Variants in COMT observed in about 807,000 individuals in gnomAD.
COMT encodes catechol-O-methyltransferase.
In COMT, 13 loss-of-function variants were observed where a neutral mutation model predicts 18.9. The ratio of observed to expected loss-of-function variants is 0.69; its 90% CI spans 0.45 to 1.09. The LOEUF is 1.09. Among genes scored for constraint, COMT ranks in the 50% least tolerant of loss-of-function variants. The pLI, the probability that COMT is intolerant of heterozygous loss-of-function variation, is 0.00. For missense variants in COMT, 329 were observed against 361.8 expected (o/e 0.91, Z 0.73); for synonymous variants, 150 against 160.9 (o/e 0.93, Z 0.51).
chr22:19,966,870 G>T (rs569962842), intron 5 of COMT: 49 of 892,344 alleles, frequency 5.5e-5, no homozygotes, highest in Non-Finnish European at 6.3e-5. Flanking sequence ...GTCTAAGGAG[G>T]GTGGGCCAGA....
At chr22:19,960,558 G>A (rs1027460967) in intron 1 of COMT, among the ~76,000 whole-genome samples, 1 of 152,094 alleles carries the variant, frequency 6.6e-6, no homozygotes, top group Non-Finnish European at 1.5e-5. Context: ...GTCCTGCCCC[G>A]CTGGGAAACA....
At chr22:19,942,088 G>A (rs1941744048) in intron 1 of COMT, 191 bp downstream of exon 1, 3 of 362,530 alleles carry the variant, frequency 8.3e-6, no homozygotes, top group South Asian at 1.3e-4. Flanking sequence ...CCTTGGGTGG[G>A]GATCTTTGGA....
At chr22:19,954,415 G>C (rs1393090421) in intron 1 of COMT, among the ~76,000 whole-genome samples, 1 of 152,186 alleles carries the variant, frequency 6.6e-6, no homozygotes, top group African/African-American at 2.4e-5. Flanking sequence ...GGTCGGATGA[G>C]AGCAGCCACG....
At chr22:19,945,611 C>A (rs1323395357) in intron 1 of COMT, among the ~76,000 whole-genome samples, 2 of 152,152 alleles carry the variant, frequency 1.3e-5, no homozygotes, top group Non-Finnish European at 2.9e-5. Flanking sequence ...AGAGAAGTAT[C>A]ATTTACTATA....
At chr22:19,953,456 G>T (rs543417113) in intron 1 of COMT, among the ~76,000 whole-genome samples, 216 of 152,232 alleles carry the variant, frequency 1.4e-3, no homozygotes, top group African/African-American at 5.0e-3. Context: ...ACCATGCCCG[G>T]CTCATTTTTT....
intron 1 of COMT, among the ~76,000 whole-genome samples, chr22:19,950,568 C>T (rs76599029): frequency 0.011 from 1,746 of 151,948 alleles, 25 homozygotes; most frequent in African/African-American, 0.039. Context: ...GTCCCTGAGG[C>T]ACTGCGAGCC....
intron 1 of COMT, among the ~76,000 whole-genome samples, chr22:19,949,159 C>T (rs2146132983): frequency 6.6e-6 from 1 of 152,094 alleles, no homozygotes; most frequent in Non-Finnish European, 1.5e-5. Context: ...TGTTTTGAGA[C>T]AGAATCTCAG....
chr22:19,958,276 C>T (rs369983355), intron 1 of COMT, among the ~76,000 whole-genome samples: 3 of 151,324 alleles, frequency 2.0e-5, no homozygotes, highest in African/African-American at 4.9e-5. Context: ...GTGATCCTCC[C>T]GCCTCAGCCT....
At chr22:19,962,859 C>T (rs1420207423) in intron 3 of COMT, 44 bp downstream of exon 3, 7 of 1,571,878 alleles carry the variant, frequency 4.5e-6, no homozygotes, top group Non-Finnish European at 6.1e-6. Context: ...GACAGGGACC[C>T]AGGACCAGGC....
intron 1 of COMT, among the ~76,000 whole-genome samples, chr22:19,956,776 A>G (rs1262466860): frequency 6.6e-6 from 1 of 151,486 alleles, no homozygotes; most frequent in South Asian, 2.1e-4. Context: ...GGGTCTTACT[A>G]TGTTGCCCAG....
intron 5 of COMT, chr22:19,966,832 T>C (rs1390474150): frequency 1.6e-6 from 1 of 628,720 alleles, no homozygotes; most frequent in Non-Finnish European, 2.0e-6. Flanking sequence ...GCAACCTCTG[T>C]GAGGCTCCAA....
chr22:19,963,209 C>T, intron 3 of COMT: 1 of 486,396 alleles, frequency 2.1e-6, no homozygotes, highest in East Asian at 3.6e-5. Flanking sequence ...GGAACTAGTG[C>T]CGCCCCAGGG....
chr22:19,966,329 C>T (rs572344937), intron 5 of COMT, among the ~76,000 whole-genome samples: 1 of 151,272 alleles, frequency 6.6e-6, no homozygotes, highest in East Asian at 2.0e-4. Flanking sequence ...GGCTCAGGAG[C>T]AGGTTGCAAT....
At chr22:19,968,196 G>C (rs72547416) in intron 5 of COMT, among the ~76,000 whole-genome samples, 3 of 152,192 alleles carry the variant, frequency 2.0e-5, no homozygotes, top group Non-Finnish European at 4.4e-5. Flanking sequence ...CTGGCACTGG[G>C]TGTTGAGGGC....
chr22:19,966,313 G>T (rs80244944), intron 5 of COMT, among the ~76,000 whole-genome samples: 3 of 152,058 alleles, frequency 2.0e-5, no homozygotes, highest in African/African-American at 4.8e-5. Flanking sequence ...GGCACGAGGG[G>T]TGAGGGGCTC....
intron 5 of COMT, chr22:19,965,411 G>A (rs1041137666): frequency 2.0e-5 from 3 of 152,124 alleles, no homozygotes; most frequent in African/African-American, 4.8e-5. Flanking sequence ...GCACGATCAC[G>A]GCTCACTGCA....
chr22:19,955,172 G>A (rs944253190), intron 1 of COMT, among the ~76,000 whole-genome samples: 4 of 152,194 alleles, frequency 2.6e-5, no homozygotes, highest in African/African-American at 7.2e-5. Context: ...CTGGCTCAAT[G>A]GGTATTTTGT....
Position 19,962,512 on chromosome 22 carries a change from C to G in COMT, c.1-15C>G. 2 of 1,542,454 alleles carry G rather than the reference C, an allele frequency of 1.3e-6. No individual in the cohort carries two copies. The highest frequency in any genetic ancestry group is 1.4e-5 in the African/African-American group (1 of 73,184). On this transcript the variant is annotated splice_polypyrimidine_tract_variant and intron_variant, in intron 2 of 5. Coordinates refer to ENST00000361682, the MANE Select transcript of COMT (RefSeq NM_000754.4). ...GAGCACAGAGCACTGGCGCCCCTCCCCTCCCGCCCTGCAGATGCCGGAGGC... is the reference window on the plus strand; with the variant it reads ...GAGCACAGAGCACTGGCGCCCCTCCGCTCCCGCCCTGCAGATGCCGGAGGC...
intron 1 of COMT, among the ~76,000 whole-genome samples, chr22:19,954,669 T>A (rs1179672288): frequency 2.0e-5 from 3 of 152,138 alleles, no homozygotes; most frequent in Non-Finnish European, 4.4e-5. Context: ...GTCAGGCTGT[T>A]CTTGAACTCC....
Sources: allele counts gnomAD v4.1 joint callset (sites outside exome capture counted in the v4.1 genomes callset), GRCh38; gene constraint gnomAD v4.1.1; transcripts MANE v1.5; gene names NCBI Gene and HGNC (gene_info 2026-07-23, HGNC 2026-07-21).